The following RANBP2 variants were observed in gnomAD, a reference collection of about 807,000 sequenced individuals.
The protein encoded by RANBP2 is RAN binding protein 2.
Under a neutral mutation model 303.6 loss-of-function variants are expected in RANBP2, and 57 were observed. That is an observed-to-expected ratio of 0.19 (90% CI 0.15 to 0.23). The LOEUF is 0.23. RANBP2 is among the 10% of genes least tolerant of loss of function. The pLI is 1.00. For synonymous variants in RANBP2, 1,167 were observed against 1,301.5 expected (o/e 0.90, Z 2.23); for missense variants, 3,138 against 3,780.8 (o/e 0.83, Z 4.46).
the RANBP2 span, among the ~76,000 whole-genome samples, chr2:109,059,775 AGAT>A: frequency 6.6e-6 from 1 of 152,210 alleles, no homozygotes; most frequent in African/African-American, 2.4e-5. Context: ...TAAACACAGC[AGAT>A]CCTGGGATGC....
At chr2:109,501,790 G>A in the RANBP2 span, 6 of 625,214 alleles carry the variant, frequency 9.6e-6, no homozygotes, top group African/African-American at 1.8e-5. Flanking sequence ...GGCACCTGGC[G>A]GGGGATACCC....
At chr2:109,449,229 A>C in the RANBP2 span, 45 of 1,612,718 alleles carry the variant, frequency 2.8e-5, no homozygotes, top group Non-Finnish European at 3.7e-5. Flanking sequence ...ACCCCTGCGC[A>C]CCCAGAACTC....
At chr2:108,978,292 C>G in the RANBP2 span, among the ~76,000 whole-genome samples, 1 of 152,308 alleles carries the variant, frequency 6.6e-6, no homozygotes, top group African/African-American at 2.4e-5. Context: ...AATACACCAT[C>G]CATGTCTAGA....
chr2:109,720,851 C>T, the RANBP2 span, among the ~76,000 whole-genome samples: 1 of 152,198 alleles, frequency 6.6e-6, no homozygotes, highest in African/African-American at 2.4e-5. Flanking sequence ...TGGCAAAAGC[C>T]CTCCCTCTCC....
At chr2:108,997,150 G>A in the RANBP2 span, among the ~76,000 whole-genome samples, 1,099 of 152,268 alleles carry the variant, frequency 7.2e-3, 8 homozygotes, top group South Asian at 0.029. Flanking sequence ...AGCATAAGAT[G>A]TCCTAGTATG....
chr2:109,453,485 C>T, the RANBP2 span, among the ~76,000 whole-genome samples: 4 of 152,178 alleles, frequency 2.6e-5, no homozygotes, highest in African/African-American at 7.2e-5. Flanking sequence ...CCAGGTGATA[C>T]GAACCCTCAG....
chr2:109,130,369 C>T, the RANBP2 span, among the ~76,000 whole-genome samples: 1 of 152,340 alleles, frequency 6.6e-6, no homozygotes, highest in Non-Finnish European at 1.5e-5. Context: ...ACCCCCGATT[C>T]CTTGGCCGGA....
At chr2:108,968,135 G>C in the RANBP2 span, among the ~76,000 whole-genome samples, 2 of 152,112 alleles carry the variant, frequency 1.3e-5, no homozygotes, top group Non-Finnish European at 2.9e-5. Context: ...CCACCACCTG[G>C]GGAAGGCGCC....
chr2:109,425,640 C>T, the RANBP2 span, among the ~76,000 whole-genome samples: 3 of 152,058 alleles, frequency 2.0e-5, no homozygotes, highest in Non-Finnish European at 4.4e-5. Context: ...TGATAGCACA[C>T]GTGTTTACAG....
At chr2:109,192,563 T>A in the RANBP2 span, among the ~76,000 whole-genome samples, 1 of 151,638 alleles carries the variant, frequency 6.6e-6, no homozygotes, top group Non-Finnish European at 1.5e-5. Context: ...GTGGTCCTCA[T>A]GTGGAATTTC....
At chr2:109,648,714 C>A in the RANBP2 span, among the ~76,000 whole-genome samples, 1 of 146,734 alleles carries the variant, frequency 6.8e-6, no homozygotes, top group Non-Finnish European at 1.5e-5. Context: ...AGTGCAGTGG[C>A]GTGATCTTGG....
At chr2:108,838,300 C>T in the RANBP2 span, among the ~76,000 whole-genome samples, 1 of 151,942 alleles carries the variant, frequency 6.6e-6, no homozygotes, top group African/African-American at 2.4e-5. Context: ...TTAAGACGTC[C>T]AAAACATCAT....
the RANBP2 span, among the ~76,000 whole-genome samples, chr2:109,411,344 C>G: frequency 6.6e-6 from 1 of 152,210 alleles, no homozygotes; most frequent in East Asian, 1.9e-4. Context: ...CAGTTAGTTC[C>G]TGCCAGGGTT....
chr2:109,136,234 A>AC, the RANBP2 span, among the ~76,000 whole-genome samples: 91 of 152,288 alleles, frequency 6.0e-4, 1 homozygote, highest in Non-Finnish European at 9.1e-4. Context: ...ATTAAAAAAA[A>AC]ACACACACAT....
At chr2:109,418,933 C>T in the RANBP2 span, among the ~76,000 whole-genome samples, 7 of 152,138 alleles carry the variant, frequency 4.6e-5, no homozygotes, top group East Asian at 3.9e-4. Flanking sequence ...ATTCCTCCCT[C>T]GGCCCCCCCA....
At chr2:109,482,068 A>G in the RANBP2 span, among the ~76,000 whole-genome samples, 20 of 152,356 alleles carry the variant, frequency 1.3e-4, no homozygotes, top group African/African-American at 4.8e-4. Flanking sequence ...ACGATAAGGC[A>G]GTAGAGCCAC....
At chr2:109,280,403 G>T in the RANBP2 span, among the ~76,000 whole-genome samples, 4 of 152,254 alleles carry the variant, frequency 2.6e-5, no homozygotes, top group East Asian at 7.8e-4. Context: ...TGCGCTCTTG[G>T]CTAGGCAGGG....
At chr2:109,719,174 G>A in the RANBP2 span, among the ~76,000 whole-genome samples, 52 of 143,172 alleles carry the variant, frequency 3.6e-4, no homozygotes, top group Non-Finnish European at 6.6e-4. Flanking sequence ...TGGGCTCACC[G>A]CAACCTCCGC....
At chr2:109,262,189 A>G in the RANBP2 span, among the ~76,000 whole-genome samples, 1 of 152,214 alleles carries the variant, frequency 6.6e-6, no homozygotes, top group Non-Finnish European at 1.5e-5. Flanking sequence ...GTATTTGTCT[A>G]ACAGTCTTAT....
Sources: allele counts gnomAD v4.1 joint callset (sites outside exome capture counted in the v4.1 genomes callset), GRCh38; gene constraint gnomAD v4.1.1; transcripts MANE v1.5; gene names NCBI Gene and HGNC (gene_info 2026-07-23, HGNC 2026-07-21).